MRPS28: variants seen among roughly 807,000 people sequenced by gnomAD.
MRPS28 encodes the protein small ribosomal subunit protein bS1m.
In MRPS28, 7 loss-of-function variants were observed where a neutral mutation model predicts 10.8. The observed-to-expected ratio is 0.65, with a 90% CI of 0.37 to 1.22. MRPS28 has a LOEUF of 1.22. MRPS28 is among the 50% of genes most tolerant of loss of function. The pLI, the probability that MRPS28 is intolerant of heterozygous loss-of-function variation, is 0.02. For missense variants in MRPS28, 265 were observed against 232.9 expected (o/e 1.14, Z -0.90); for synonymous variants, 121 against 93.3 (o/e 1.30, Z -1.71).
intron 2 of MRPS28, among the ~76,000 whole-genome samples, chr8:79,921,074 A>G (rs1224348706): frequency 6.6e-6 from 1 of 152,078 alleles, no homozygotes; most frequent in African/African-American, 2.4e-5. Flanking sequence ...TGTTTTTGTC[A>G]GGTTTGTCAA....
chr8:80,005,995 G>A (rs1808830560), intron 1 of MRPS28, among the ~76,000 whole-genome samples: 2 of 152,152 alleles, frequency 1.3e-5, no homozygotes, highest in African/African-American at 4.8e-5. Context: ...CAAGTCCTTA[G>A]AGACCTACAA....
intron 2 of MRPS28, among the ~76,000 whole-genome samples, chr8:79,986,303 C>A (rs1467595032): frequency 6.6e-6 from 1 of 152,130 alleles, no homozygotes; most frequent in African/African-American, 2.4e-5. Context: ...CTATGAAAAA[C>A]CCACAGTCAA....
At chr8:79,978,923 T>C (rs1019953101) in intron 2 of MRPS28, among the ~76,000 whole-genome samples, 4 of 152,230 alleles carry the variant, frequency 2.6e-5, no homozygotes, top group East Asian at 1.9e-4. Context: ...AGTTGAAAAG[T>C]GTTATCAGAA....
chr8:79,938,230 G>GC (rs572528139), intron 2 of MRPS28, among the ~76,000 whole-genome samples: 2 of 26,532 alleles, frequency 7.5e-5, no homozygotes, highest in Non-Finnish European at 2.8e-4. Flanking sequence ...AGACATAGGT[G>GC]GGGGGGGGCA....
chr8:80,025,017 A>C (rs1809461172), intron 1 of MRPS28, among the ~76,000 whole-genome samples: 1 of 152,234 alleles, frequency 6.6e-6, no homozygotes, highest in Non-Finnish European at 1.5e-5. Flanking sequence ...TAAAAGGTAA[A>C]GAAATAATGA....
At chr8:79,960,722 T>C (rs1807354091) in intron 2 of MRPS28, among the ~76,000 whole-genome samples, 1 of 152,104 alleles carries the variant, frequency 6.6e-6, no homozygotes, top group Admixed American at 6.6e-5. Flanking sequence ...TAATTTTCCA[T>C]TAAAAGAAAA....
chr8:79,931,099 T>C (rs552538715), intron 2 of MRPS28, among the ~76,000 whole-genome samples: 17 of 152,336 alleles, frequency 1.1e-4, no homozygotes, highest in African/African-American at 1.9e-4. Flanking sequence ...TTGAATAATA[T>C]AATTATCTCT....
intron 2 of MRPS28, among the ~76,000 whole-genome samples, chr8:79,982,440 G>A (rs891328597): frequency 7.9e-5 from 12 of 152,244 alleles, no homozygotes; most frequent in African/African-American, 2.2e-4. Context: ...CGCACCGTGC[G>A]TGAGCCGAAG....
At chr8:80,008,339 A>G (rs995965508) in intron 1 of MRPS28, among the ~76,000 whole-genome samples, 6 of 134,998 alleles carry the variant, frequency 4.4e-5, no homozygotes, top group African/African-American at 1.5e-4. Flanking sequence ...AACCTAGGCA[A>G]TACCATACAG....
At chr8:79,997,048 T>C (rs1215436791) in intron 2 of MRPS28, among the ~76,000 whole-genome samples, 1 of 152,154 alleles carries the variant, frequency 6.6e-6, no homozygotes, top group Non-Finnish European at 1.5e-5. Context: ...ACAATATACA[T>C]AAAATACCAG....
intron 2 of MRPS28, among the ~76,000 whole-genome samples, chr8:79,950,592 C>T (rs1807055748): frequency 3.9e-5 from 6 of 151,964 alleles, no homozygotes; most frequent in Admixed American, 3.9e-4. Context: ...AAAATGCCTT[C>T]GGATAGATGA....
At chr8:79,936,865 T>G (rs1348656803) in intron 2 of MRPS28, among the ~76,000 whole-genome samples, 1 of 152,198 alleles carries the variant, frequency 6.6e-6, no homozygotes, top group East Asian at 1.9e-4. Flanking sequence ...ATTTTTTTGT[T>G]GTTTTTCTTT....
intron 2 of MRPS28, among the ~76,000 whole-genome samples, chr8:79,955,716 A>T (rs1365569339): frequency 6.6e-6 from 1 of 152,126 alleles, no homozygotes; most frequent in Non-Finnish European, 1.5e-5. Flanking sequence ...AACTACTCCA[A>T]ATTTAGTTGC....
At chr8:79,966,936 T>A (rs943575084) in intron 2 of MRPS28, among the ~76,000 whole-genome samples, 2 of 152,288 alleles carry the variant, frequency 1.3e-5, no homozygotes, top group Admixed American at 6.5e-5. Context: ...AAATTTTCCA[T>A]CCTAAAAGTA....
At chr8:79,952,258 A>C (rs1032458388) in intron 2 of MRPS28, among the ~76,000 whole-genome samples, 2 of 152,172 alleles carry the variant, frequency 1.3e-5, no homozygotes, top group Non-Finnish European at 2.9e-5. Flanking sequence ...TTTTGTTCAT[A>C]TCGATTGAGA....
intron 1 of MRPS28, among the ~76,000 whole-genome samples, chr8:80,014,307 C>A (rs1194675050): frequency 6.6e-6 from 1 of 152,062 alleles, no homozygotes; most frequent in Non-Finnish European, 1.5e-5. Flanking sequence ...TATATTTTTT[C>A]TCTTCCCTTA....
At chr8:79,986,949 A>G (rs949784588) in intron 2 of MRPS28, among the ~76,000 whole-genome samples, 17 of 152,194 alleles carry the variant, frequency 1.1e-4, no homozygotes, top group African/African-American at 4.1e-4. Flanking sequence ...TGGAACCAAA[A>G]AAGAGCCCAC....
chr8:80,010,137 A>G (rs1808996394), intron 1 of MRPS28, among the ~76,000 whole-genome samples: 1 of 152,146 alleles, frequency 6.6e-6, no homozygotes, highest in African/African-American at 2.4e-5. Flanking sequence ...TTCTTACAAA[A>G]ATTTTTTCCA....
chr8:79,939,076 T>C (rs1283775428), intron 2 of MRPS28, among the ~76,000 whole-genome samples: 1 of 152,204 alleles, frequency 6.6e-6, no homozygotes, highest in African/African-American at 2.4e-5. Flanking sequence ...GCCGAGGTTC[T>C]CTCCAAACTC....
Sources: allele counts gnomAD v4.1 joint callset (sites outside exome capture counted in the v4.1 genomes callset), GRCh38; gene constraint gnomAD v4.1.1; transcripts MANE v1.5; gene names NCBI Gene and HGNC (gene_info 2026-07-23, HGNC 2026-07-21).